Variants in CNN2 observed in about 807,000 individuals in gnomAD.
CNN2 encodes the protein calponin-2.
In CNN2, 21 loss-of-function variants were observed where a neutral mutation model predicts 31.0. That is an observed-to-expected ratio of 0.68 (90% CI 0.48 to 0.98). CNN2 has a LOEUF of 0.98. Ranked by LOEUF, CNN2 falls within the 50% of genes least tolerant of loss-of-function variation. The probability of loss-of-function intolerance (pLI) is 0.00; values close to 1 mark genes in which losing one functional copy is unlikely to be tolerated. For missense variants in CNN2, 399 were observed against 427.3 expected (o/e 0.93, Z 0.58); for synonymous variants, 165 against 179.6 (o/e 0.92, Z 0.65).
intron 1 of CNN2, among the ~76,000 whole-genome samples, chr19:1,029,607 G>A (rs138801942): frequency 3.3e-4 from 51 of 152,376 alleles, no homozygotes; most frequent in Non-Finnish European, 6.3e-4. Flanking sequence ...GAAGAGATGA[G>A]GAAGCGGAGG....
rs1215258651 is a variant in CNN2, at chr19:1,037,695, A to G, written c.725A>G (p.Asn242Ser). 1.2e-6 allele frequency: 2 copies of G among 1,611,360 alleles called. No individual in the cohort carries two copies. Among genetic ancestry groups the G allele is most frequent in the East Asian group, 2.2e-5 (1 of 44,876 alleles). ...AAGCTGGGAACCGACAAGTGTGACA[A>G]CTCCTCCATGTCCCTGCAGATGGGC... Reference protein sequence around the residue: ...DTKLGTDKCDNSSMSLQMGYT... With the variant: ...DTKLGTDKCDSSSMSLQMGYT... Residue 242 changes from asparagine to serine, a missense_variant, in exon 7 of 7, where the codon AAC becomes AGC. Coordinates refer to ENST00000263097, the MANE Select transcript of CNN2 (RefSeq NM_004368.4).
Position 1,036,246 on chromosome 19 carries a change from G to A in CNN2, c.507G>A (p.Gln169=), listed in dbSNP as rs762709422. The A allele has an allele frequency of 1.9e-6, 3 of 1,582,678 alleles. No individual in the cohort carries two copies. Among genetic ancestry groups the A allele is most frequent in the Admixed American group, 3.5e-5 (2 of 57,414 alleles). Residue 169 remains glutamine, a splice_region_variant and synonymous_variant, in exon 5 of 7, where the codon CAG becomes CAA. Coordinates refer to ENST00000263097, the MANE Select transcript of CNN2 (RefSeq NM_004368.4). ...CTGGCCAGTGCGTCATCGGGCTGCA[G>A]GTGGGCGACAGCTCCCCCAGCCCCA... ...MKAGQCVIGL[Q]MGTNKCASQS...
chr19:1,036,423 C>G lies in CNN2; in HGVS notation c.515C>G (p.Thr172Ser), dbSNP rs1298916306. ...GQCVIGLQMG[T>S]NKCASQSGMT... The stretch of plus-strand genomic sequence containing the variant: ...CCACGAACCTCCCTGCAGATGGGCA[C>G]CAACAAATGCGCCAGCCAGTCGGGC... Residue 172 changes from threonine to serine, a missense_variant, in exon 6 of 7, where the codon ACC becomes AGC. Transcript: ENST00000263097. 8.7e-6 allele frequency: 14 copies of G among 1,613,542 alleles called. No homozygotes were observed. The highest frequency in any genetic ancestry group is 1.2e-5 in the Non-Finnish European group (14 of 1,179,650).
At chr19:1,035,994 A>C in intron 4 of CNN2, 136 bp from the exon 5 acceptor site, 1 of 1,355,034 alleles carries the variant, frequency 7.4e-7, no homozygotes, top group East Asian at 2.6e-5. Context: ...GACACCCGAG[A>C]GATGTGCCTG....
chr19:1,027,893 C>T (rs1395111484), intron 1 of CNN2, among the ~76,000 whole-genome samples: 4 of 152,236 alleles, frequency 2.6e-5, no homozygotes, highest in Non-Finnish European at 5.9e-5. Flanking sequence ...GGGAGAATTC[C>T]TGCTTCCCCG....
At chr19:1,030,684 T>C (rs1007138985) in intron 1 of CNN2, among the ~76,000 whole-genome samples, 1 of 152,062 alleles carries the variant, frequency 6.6e-6, no homozygotes, top group African/African-American at 2.4e-5. Context: ...ACGTACGAAA[T>C]GCTGTGAAAT....
Position 1,037,767 on chromosome 19 carries a change from G to T in CNN2, c.797G>T (p.Arg266Leu), listed in dbSNP as rs78386506. Residue 266 changes from arginine (R) to leucine (L), a missense_variant, in exon 7 of 7, where the codon CGG becomes CTG. Arg to Leu is a moderately radical substitution (Grantham distance 102). Transcript: ENST00000263097. ...NQSGQVFGLG[R>L]QIYDPKYCPQ... ...AGCGGCCAGGTCTTCGGCCTGGGCC[G>T]GCAGATATATGACCCCAAGTACTGC... The T allele has an allele frequency of 1.3e-6, 2 of 1,527,298 alleles. No homozygotes were observed. Among genetic ancestry groups the T allele is most frequent in the South Asian group, 2.3e-5 (2 of 87,746 alleles). The allele number at this position is 1,527,298 out of a possible 1,614,324, so 94.6% of individuals were successfully genotyped here.
chr19:1,030,345 G>A (rs1427571702), intron 1 of CNN2, among the ~76,000 whole-genome samples: 1 of 152,196 alleles, frequency 6.6e-6, no homozygotes, highest in East Asian at 1.9e-4. Flanking sequence ...GCAGGATGGG[G>A]GCCGGGCGCG....
chr19:1,028,735 G>T (rs369011325), intron 1 of CNN2, among the ~76,000 whole-genome samples: 9 of 152,256 alleles, frequency 5.9e-5, no homozygotes, highest in African/African-American at 1.9e-4. Flanking sequence ...GCAGCGGCTG[G>T]GGGTGGGGCC....
chr19:1,026,827 T>C (rs1056280661), intron 1 of CNN2, 103 bp downstream of exon 1: 22 of 1,155,108 alleles, frequency 1.9e-5, no homozygotes, highest in Middle Eastern at 2.9e-4. Flanking sequence ...GGCAGGGAGC[T>C]TGGAGACCCG....
chr19:1,035,650 C>T (rs1045895816), intron 4 of CNN2, among the ~76,000 whole-genome samples: 48 of 152,272 alleles, frequency 3.2e-4, no homozygotes, highest in Admixed American at 2.4e-3. Flanking sequence ...GGGCTGGGCG[C>T]GGTGGCTCAC....
intron 2 of CNN2, 26 bp from the exon 3 acceptor site, chr19:1,032,365 TC>T: frequency 6.2e-7 from 1 of 1,612,532 alleles, no homozygotes; most frequent in Non-Finnish European, 8.5e-7. Context: ...GGTTTCTGTT[TC>T]CCCCGCCCCA....
chr19:1,032,689 C>CG lies in CNN2; in HGVS notation c.387dup (p.Lys130GlufsTer5). The CG allele has an allele frequency of 6.2e-7, 1 of 1,608,940 alleles. No homozygotes were observed. On this transcript the variant is annotated frameshift_variant, in exon 4 of 7. Transcript: ENST00000263097. LOFTEE classifies it high-confidence loss of function. ...GTGCAGGTGTCTCTTCTCGCCCTGG[C>CG]GGGGAAGGTGAGGCCCAGAGAGGGG...
chr19:1,037,699 C>T lies in CNN2; in HGVS notation c.729C>T (p.Ser243=). Residue 243 remains serine, a synonymous_variant, in exon 7 of 7, where the codon TCC becomes TCT. Coordinates refer to ENST00000263097, the MANE Select transcript of CNN2 (RefSeq NM_004368.4). ...TKLGTDKCDN[S]SMSLQMGYTQ... ...TGGGAACCGACAAGTGTGACAACTC[C>T]TCCATGTCCCTGCAGATGGGCTACA... The T allele has an allele frequency of 1.2e-6, 2 of 1,611,532 alleles. No individual in the cohort carries two copies. The highest frequency in any genetic ancestry group is 8.5e-7 in the Non-Finnish European group (1 of 1,180,026).
Position 1,036,193 on chromosome 19 carries a change from C to A in CNN2, c.454C>A (p.Arg152=), listed in dbSNP as rs1250496563. ...IGVKYSEKQE[R]NFDDATMKAG... ...CGTCAAGTACTCGGAGAAGCAGGAG[C>A]GGAATTTCGACGATGCCACCATGAA... The change falls in exon 5 of 7, where the codon CGG becomes AGG. Residue 152 remains arginine, a synonymous_variant. Transcript: ENST00000263097. 7 of 1,611,372 alleles carry A rather than the reference C, an allele frequency of 4.3e-6. No individual in the cohort carries two copies. The highest frequency in any genetic ancestry group is 4.0e-5 in the African/African-American group (3 of 74,850).
chr19:1,027,389 G>A (rs561297473), intron 1 of CNN2, among the ~76,000 whole-genome samples: 1,909 of 152,364 alleles, frequency 0.013, 32 homozygotes, highest in Non-Finnish European at 0.015. Flanking sequence ...AAGAGCTGGG[G>A]CCCGGCAGGG....
chr19:1,033,075 G>A (rs576702010), intron 4 of CNN2, among the ~76,000 whole-genome samples: 28 of 151,506 alleles, frequency 1.8e-4, no homozygotes, highest in Admixed American at 1.6e-3. Context: ...CCCTGTGCCC[G>A]GCCTCGTTTA....
intron 6 of CNN2, 48 bp downstream of exon 6, chr19:1,036,610 C>T: frequency 1.9e-6 from 3 of 1,612,248 alleles, no homozygotes; most frequent in Non-Finnish European, 2.5e-6. Context: ...CCCCTCTACA[C>T]CCTGTGGTCT....
At chr19:1,031,270 A>T in intron 2 of CNN2, 78 bp downstream of exon 2, 2 of 1,151,270 alleles carry the variant, frequency 1.7e-6, no homozygotes, top group Non-Finnish European at 2.2e-6. Flanking sequence ...TAATTAAGAA[A>T]TTTTTGGGGG....
Sources: gnomAD v4.1 joint callset for allele counts (sites outside exome capture counted in the v4.1 genomes callset) on GRCh38, gnomAD v4.1.1 for gene constraint, MANE v1.5 for transcripts, NCBI Gene and HGNC (gene_info 2026-07-23, HGNC 2026-07-21) for gene names.